Variants in CNTNAP2 observed in about 807,000 individuals in gnomAD.
CNTNAP2 encodes contactin associated protein 2, also known as contactin-associated protein-like 2.
CNTNAP2 carries 98 observed loss-of-function variants against 155.2 expected under a neutral mutation model. That is an observed-to-expected ratio of 0.63 (90% CI 0.54 to 0.75). CNTNAP2 has a LOEUF of 0.75. Ranked by LOEUF, CNTNAP2 falls within the 30% of genes least tolerant of loss-of-function variation. The pLI is 0.00. For synonymous variants in CNTNAP2, 651 were observed against 631.2 expected, an observed-to-expected ratio of 1.03 and a Z score of -0.47; for missense variants, 1,727 against 1,688.1, an observed-to-expected ratio of 1.02 and a Z score of -0.40.
intron 1 of CNTNAP2, among the ~76,000 whole-genome samples, chr7:146,289,686 T>C (rs1563023348): frequency 6.6e-6 from 1 of 152,204 alleles, no homozygotes; most frequent in Non-Finnish European, 1.5e-5. Context: ...GTATTTAAAA[T>C]TAATTTACTC....
chr7:147,043,914 C>T lies in CNTNAP2; in HGVS notation c.410C>T (p.Pro137Leu). Reference sequence around the variant, plus strand: ...TACTATTTCCTTTTCCAGGCATTTCCCGGAAACATTAACTCTGACGGTGTG... The same window carrying T: ...TACTATTTCCTTTTCCAGGCATTTCTCGGAAACATTAACTCTGACGGTGTG... ...YHQDGNIWAF[P>L]GNINSDGVVR... The change falls in exon 4 of 24, where the codon CCC (proline) becomes CTC (leucine). Residue 137 changes from proline (P) to leucine (L), a missense_variant. Coordinates refer to ENST00000361727, the MANE Select transcript of CNTNAP2 (RefSeq NM_014141.6). 6.2e-7 allele frequency: 1 copy of T among 1,614,070 alleles called. No homozygotes were observed. Among genetic ancestry groups the T allele is most frequent in the Non-Finnish European group, 8.5e-7 (1 of 1,179,986 alleles).
At chr7:146,971,070 A>T (rs1797785184) in intron 3 of CNTNAP2, among the ~76,000 whole-genome samples, 1 of 151,906 alleles carries the variant, frequency 6.6e-6, no homozygotes, top group Non-Finnish European at 1.5e-5. Context: ...GTGGGGTTGG[A>T]GGGGGAGGGA....
chr7:147,595,014 CAG>C (rs1800802313), intron 12 of CNTNAP2, among the ~76,000 whole-genome samples: 1 of 152,186 alleles, frequency 6.6e-6, no homozygotes, highest in South Asian at 2.1e-4. Flanking sequence ...CAAAGGATAG[CAG>C]AGAGAGGAAC....
rs575299225 is a variant in CNTNAP2, at chr7:147,053,833, A to G, written c.550+9779A>G. Among the ~76,000 whole-genome samples, 20 of 152,232 alleles carry G rather than the reference A, an allele frequency of 1.3e-4. No homozygotes were observed. The South Asian group carries it at 4.1e-3, about 32-fold the overall frequency. Reference sequence around the variant, plus strand: ...AGAGAAGAATAAAGTAATGAAAAAGAACTATGTTTCACTGTGGTTTATAAA... The same window carrying G: ...AGAGAAGAATAAAGTAATGAAAAAGGACTATGTTTCACTGTGGTTTATAAA... On this transcript the variant is annotated intron_variant, in intron 4 of 23. Transcript: ENST00000361727.
chr7:148,115,085 A>G (rs1804437992), intron 15 of CNTNAP2, among the ~76,000 whole-genome samples: 1 of 152,236 alleles, frequency 6.6e-6, no homozygotes, highest in Admixed American at 6.5e-5. Context: ...CATTTGTACA[A>G]GGCATGACTT....
chr7:147,059,163 G>A (rs918420167), intron 4 of CNTNAP2, among the ~76,000 whole-genome samples: 1 of 152,224 alleles, frequency 6.6e-6, no homozygotes, highest in Admixed American at 6.5e-5. Context: ...TGAAGTCACT[G>A]TGTCATCTTA....
intron 3 of CNTNAP2, among the ~76,000 whole-genome samples, chr7:146,926,872 T>G (rs1004280899): frequency 6.6e-6 from 1 of 152,162 alleles, no homozygotes; most frequent in Non-Finnish European, 1.5e-5. Context: ...AAAAATGTGA[T>G]ACATTTTAGA....
At chr7:146,345,837 G>C (rs567443057) in intron 1 of CNTNAP2, among the ~76,000 whole-genome samples, 2 of 152,146 alleles carry the variant, frequency 1.3e-5, no homozygotes, top group Non-Finnish European at 2.9e-5. Context: ...AGAGGCAGAG[G>C]AGCAGGGCAA....
In CNTNAP2 at chr7:148,042,932, G is replaced by A. The variant is rs771164929; in HGVS notation, c.2383+64943G>A. Among the ~76,000 whole-genome samples the A allele has an allele frequency of 8.5e-5, 13 of 152,142 alleles. 1 individual carries two copies. Among genetic ancestry groups the A allele is most frequent in the Admixed American group, 3.3e-4 (5 of 15,270 alleles). ...TTGTGGTTTCCAGTATGTGAGTCTC[G>A]GACTTCAGCATATTGCTGTTCATAT... On this transcript the variant is annotated intron_variant, in intron 15 of 23. Coordinates refer to ENST00000361727, the MANE Select transcript of CNTNAP2 (RefSeq NM_014141.6).
At chr7:147,193,437 T>C (rs1396854445) in intron 8 of CNTNAP2, among the ~76,000 whole-genome samples, 2 of 152,196 alleles carry the variant, frequency 1.3e-5, no homozygotes, top group Non-Finnish European at 2.9e-5. Context: ...CTCTGCTTTC[T>C]GGGGTGCACT....
intron 13 of CNTNAP2, among the ~76,000 whole-genome samples, chr7:147,872,007 C>A (rs902755248): frequency 1.3e-5 from 2 of 152,154 alleles, no homozygotes; most frequent in Admixed American, 1.3e-4. Flanking sequence ...TTTTAAATTA[C>A]CACTGTCCCT....
At chr7:148,018,658 G>A (rs1431916427) in intron 15 of CNTNAP2, among the ~76,000 whole-genome samples, 2 of 152,164 alleles carry the variant, frequency 1.3e-5, no homozygotes, top group African/African-American at 2.4e-5. Context: ...AAAAGTGACC[G>A]GGATCAAGGG....
chr7:148,118,030 C>A, intron 15 of CNTNAP2, 88 bp from the exon 16 acceptor site: 1 of 1,334,642 alleles, frequency 7.5e-7, no homozygotes, highest in Non-Finnish European at 1.1e-6. Flanking sequence ...GCTAATGGTA[C>A]TTATTAAACT....
intron 12 of CNTNAP2, among the ~76,000 whole-genome samples, chr7:147,602,064 G>C (rs1800958183): frequency 6.6e-6 from 1 of 151,990 alleles, no homozygotes; most frequent in African/African-American, 2.4e-5. Context: ...TCCATCAAGA[G>C]GTCCAAATGT....
intron 4 of CNTNAP2, among the ~76,000 whole-genome samples, chr7:147,102,068 G>A (rs1258558607): frequency 6.6e-6 from 1 of 151,974 alleles, no homozygotes; most frequent in Non-Finnish European, 1.5e-5. Flanking sequence ...TAATACAATA[G>A]GCAACATGTG....
intron 1 of CNTNAP2, among the ~76,000 whole-genome samples, chr7:146,259,930 CT>C (rs1799895586): frequency 6.6e-6 from 1 of 152,220 alleles, no homozygotes; most frequent in Non-Finnish European, 1.5e-5. Flanking sequence ...ACAGCAGCCC[CT>C]CCCATCACAG....
chr7:147,667,606 C>T (rs538528244), intron 13 of CNTNAP2, among the ~76,000 whole-genome samples: 1 of 152,134 alleles, frequency 6.6e-6, no homozygotes, highest in Admixed American at 6.5e-5. Flanking sequence ...GAATAACATA[C>T]CTTTCAGGAT....
chr7:146,527,508 A>T (rs866078886), intron 1 of CNTNAP2, among the ~76,000 whole-genome samples: 8 of 150,000 alleles, frequency 5.3e-5, no homozygotes, highest in African/African-American at 2.0e-4. Flanking sequence ...TCTGGAATTT[A>T]TCTTTACACA....
At chr7:148,359,924 G>C (rs2116614339) in intron 21 of CNTNAP2, among the ~76,000 whole-genome samples, 1 of 152,220 alleles carries the variant, frequency 6.6e-6, no homozygotes, top group South Asian at 2.1e-4. Flanking sequence ...TACAAATTGA[G>C]GACTTTTCTC....
Sources: allele counts gnomAD v4.1 joint callset (sites outside exome capture counted in the v4.1 genomes callset), GRCh38; gene constraint gnomAD v4.1.1; transcripts MANE v1.5; gene names NCBI Gene and HGNC (gene_info 2026-07-23, HGNC 2026-07-21).